The following LDLRAD4 variants were observed in gnomAD, a reference collection of about 807,000 sequenced individuals.
The protein encoded by LDLRAD4 is low density lipoprotein receptor class A domain containing 4, also known as low-density lipoprotein receptor class A domain-containing protein 4.
Under a neutral mutation model 17.0 loss-of-function variants are expected in LDLRAD4, and 5 were observed. That is an observed-to-expected ratio of 0.29 (90% CI 0.15 to 0.62). The LOEUF is 0.62. Among genes scored for constraint, LDLRAD4 ranks in the 20% least tolerant of loss-of-function variants. The pLI is 0.84. For synonymous variants in LDLRAD4, 168 were observed against 171.8 expected, an observed-to-expected ratio of 0.98 and a Z score of 0.17; for missense variants, 340 against 424.7, an observed-to-expected ratio of 0.80 and a Z score of 1.75.
chr18:13,611,384 G>C, intron 3 of LDLRAD4: 3 of 782,494 alleles, frequency 3.8e-6, no homozygotes, highest in Non-Finnish European at 4.7e-6. Context: ...TACCATGGCA[G>C]GCTGCCCTTT....
intron 1 of LDLRAD4, among the ~76,000 whole-genome samples, chr18:13,258,768 C>A (rs2145915350): frequency 6.6e-6 from 1 of 152,314 alleles, no homozygotes; most frequent in African/African-American, 2.4e-5. Flanking sequence ...TGAAGTTTAG[C>A]CTTTCATGAT....
chr18:13,620,969 A>G (rs1054270079), intron 3 of LDLRAD4, 148 bp from the exon 5 acceptor site: 6 of 1,119,016 alleles, frequency 5.4e-6, no homozygotes, highest in Non-Finnish European at 7.8e-6. Context: ...CTAAAGTGGG[A>G]CAGTCGTTTC....
At chr18:13,278,269 G>T (rs1322098229) in intron 1 of LDLRAD4, 81 bp downstream of exon 2, 1 of 152,354 alleles carries the variant, frequency 6.6e-6, no homozygotes, top group Non-Finnish European at 1.5e-5. Flanking sequence ...GCTCTGCAGT[G>T]GTGGACCTGT....
chr18:13,231,850 T>TGAATG (rs1256830424), intron 1 of LDLRAD4, among the ~76,000 whole-genome samples: 3 of 152,206 alleles, frequency 2.0e-5, no homozygotes, highest in African/African-American at 7.2e-5. Context: ...GGCTATTAGC[T>TGAATG]GAATGAGGAA....
At position 13,571,791 on chromosome 18, in the gene LDLRAD4, T is replaced by C. The variant is rs188270723; in HGVS notation, c.182-49326T>C. ...AGCTGGGACTACAGGCGCCCGCCAC[T>C]ATGCCTGGCTAATTTTTTGTGTTTT... is the stretch of plus-strand genomic sequence containing the variant. On this transcript the variant is annotated intron_variant, in intron 3 of 5. Coordinates refer to ENST00000359446, the Ensembl canonical transcript of LDLRAD4. Among the ~76,000 whole-genome samples, 1,281 of 152,178 alleles carry C rather than the reference T, an allele frequency of 8.4e-3. 5 individuals are homozygous for C. The highest frequency in any genetic ancestry group is 0.015 in the Non-Finnish European group (996 of 67,990).
At chr18:13,494,698 T>C (rs1333117450) in intron 3 of LDLRAD4, among the ~76,000 whole-genome samples, 1 of 122,410 alleles carries the variant, frequency 8.2e-6, no homozygotes, top group Non-Finnish European at 1.7e-5. Flanking sequence ...TAAAAATATG[T>C]ATATTCAGTG....
At chr18:13,246,455 A>G (rs1011472679) in intron 1 of LDLRAD4, among the ~76,000 whole-genome samples, 1 of 152,262 alleles carries the variant, frequency 6.6e-6, no homozygotes, top group Non-Finnish European at 1.5e-5. Flanking sequence ...TCAGGTTTCT[A>G]TAAAGTGCTT....
At chr18:13,290,950 C>T (rs2045929863) in intron 1 of LDLRAD4, among the ~76,000 whole-genome samples, 2 of 152,234 alleles carry the variant, frequency 1.3e-5, no homozygotes. Context: ...GGCAGCTCTG[C>T]CCAGGGGCCC....
chr18:13,433,432 G>T (rs189558071), intron 2 of LDLRAD4, among the ~76,000 whole-genome samples: 1 of 152,222 alleles, frequency 6.6e-6, no homozygotes, highest in Non-Finnish European at 1.5e-5. Flanking sequence ...CAGCTGAGAT[G>T]TAATGCTGTA....
rs2084117659 is a variant in LDLRAD4 at position 13,367,157 on chromosome 18, T to TCACA, written c.-382-20184_-382-20183insCACA. 6.6e-6 allele frequency among the ~76,000 whole-genome samples: 1 copy of TCACA among 152,174 alleles called. No homozygotes were observed. Among genetic ancestry groups the TCACA allele is most frequent in the Non-Finnish European group, 1.5e-5 (1 of 68,032 alleles). The stretch of plus-strand genomic sequence containing the variant: ...TGTTGCTGTCCACAGGGAAGTCCTG[T>TCACA]GGCTGTGGGAAGGAGGTTTTGCAAT... On this transcript the variant is annotated intron_variant, in intron 1 of 5. Transcript: ENST00000359446. This position sits in a 1 kb window ranked among gnomAD's most constrained non-coding sequence, Gnocchi z 4.1.
chr18:13,491,517 G>C (rs2093357983), intron 3 of LDLRAD4: 1 of 152,224 alleles, frequency 6.6e-6, no homozygotes, highest in African/African-American at 2.4e-5. Flanking sequence ...TTATATGTTT[G>C]AAATAATTAA....
intron 2 of LDLRAD4, among the ~76,000 whole-genome samples, chr18:13,410,989 G>A (rs1370762545): frequency 2.6e-5 from 4 of 152,164 alleles, no homozygotes; most frequent in Non-Finnish European, 5.9e-5. Flanking sequence ...GGTGGCTTAC[G>A]CCTATAATCC....
intron 1 of LDLRAD4, among the ~76,000 whole-genome samples, chr18:13,233,787 C>T (rs1567915002): frequency 6.6e-6 from 1 of 152,034 alleles, no homozygotes; most frequent in Non-Finnish European, 1.5e-5. Flanking sequence ...GAACTCCAAA[C>T]CCTAGGCTCC....
intron 1 of LDLRAD4, among the ~76,000 whole-genome samples, chr18:13,381,088 T>TTTTTTTAAGAGACAGGGTCTTGC (rs1422040522): frequency 6.7e-6 from 1 of 150,374 alleles, no homozygotes; most frequent in Non-Finnish European, 1.5e-5. Flanking sequence ...TTTTTTTTTT[T>TTTTTTTAAGAGACAGGGTCTTGC]TTTTGAAGAG....
At chr18:13,377,280 G>T (rs1052081494) in intron 1 of LDLRAD4, among the ~76,000 whole-genome samples, 3 of 152,170 alleles carry the variant, frequency 2.0e-5, no homozygotes, top group Admixed American at 6.5e-5. Context: ...TTGGATTTCT[G>T]TGGCCAGATT....
At chr18:13,631,759 A>G (rs1320741544) in intron 4 of LDLRAD4, among the ~76,000 whole-genome samples, 6 of 151,920 alleles carry the variant, frequency 3.9e-5, no homozygotes, top group Non-Finnish European at 7.4e-5. Flanking sequence ...GAAACCTGTC[A>G]CTACTAAAAA....
intron 4 of LDLRAD4, among the ~76,000 whole-genome samples, chr18:13,639,669 C>A (rs980659005): frequency 1.3e-5 from 2 of 152,164 alleles, no homozygotes; most frequent in African/African-American, 4.8e-5. Flanking sequence ...GGGTTTTGGC[C>A]TCAAGCTCTT....
chr18:13,300,791 C>T lies in LDLRAD4; in HGVS notation c.-383+22603C>T, dbSNP rs985387145. Among the ~76,000 whole-genome samples the T allele has an allele frequency of 1.3e-5, 2 of 152,166 alleles. No individual in the cohort carries two copies. Among genetic ancestry groups the T allele is most frequent in the Non-Finnish European group, 2.9e-5 (2 of 68,040 alleles). On this transcript the variant is annotated intron_variant, in intron 1 of 5. Transcript: ENST00000359446. This position sits in a 1 kb window ranked among gnomAD's most constrained non-coding sequence, Gnocchi z 4.2. ...GCTGAGGATTTCTCTCTGGAGGCCT[C>T]CATCTGGTCTTGCATTTCTGAGGCT... is the stretch of plus-strand genomic sequence containing the variant.
Position 13,612,471 on chromosome 18 carries a change from G to C in LDLRAD4, c.182-8646G>C, listed in dbSNP as rs567719504. ...GCCACAGTCTGCGGTCGGAGCCACA[G>C]CATTTGAGTCTAGCACCTGGGGTGG... On this transcript the variant is annotated intron_variant, in intron 3 of 5. Coordinates refer to ENST00000359446, the Ensembl canonical transcript of LDLRAD4. 1,880 of 1,315,586 alleles carry C rather than the reference G, an allele frequency of 1.4e-3. 2 individuals are homozygous for C. Among genetic ancestry groups the C allele is most frequent in the Non-Finnish European group, 1.7e-3 (1,739 of 1,030,228 alleles). 81.5% of individuals were successfully genotyped at this position (1,315,586 alleles called of 1,614,324 possible). A position where few individuals can be genotyped will look rare whatever the true frequency, so the allele number is the denominator to read the frequency against.
Sources: gnomAD v4.1 joint callset for allele counts (sites outside exome capture counted in the v4.1 genomes callset) on GRCh38, gnomAD v4.1.1 for gene constraint, Gnocchi (gnomAD v3.1) non-coding constraint, MANE v1.5 for transcripts, NCBI Gene and HGNC (gene_info 2026-07-23, HGNC 2026-07-21) for gene names.